POLN: variants seen among roughly 807,000 people sequenced by gnomAD.
The protein encoded by POLN is DNA polymerase N.
POLN carries 108 observed loss-of-function variants against 113.5 expected under a neutral mutation model. The ratio of observed to expected loss-of-function variants is 0.95; its 90% CI spans 0.81 to 1.12. The LOEUF (loss-of-function observed/expected upper bound fraction) is 1.12, where lower values mean the gene tolerates loss of function less well. Ranked by LOEUF, POLN falls within the 50% of genes most tolerant of loss-of-function variation. The pLI, the probability that POLN is intolerant of heterozygous loss-of-function variation, is 0.00. For synonymous variants in POLN, 386 were observed against 391.5 expected, an observed-to-expected ratio of 0.99 and a Z score of 0.17; for missense variants, 1,097 against 1,077.1, an observed-to-expected ratio of 1.02 and a Z score of -0.26.
intron 19 of POLN, among the ~76,000 whole-genome samples, chr4:2,100,936 G>A (rs943963947): frequency 6.6e-6 from 1 of 152,224 alleles, no homozygotes; most frequent in Non-Finnish European, 1.5e-5. Flanking sequence ...ATGAAAGGAT[G>A]ATGTTGAAAT....
At chr4:2,174,093 TC>T in intron 10 of POLN, 74 bp from the exon 11 acceptor site, 1 of 1,411,264 alleles carries the variant, frequency 7.1e-7, no homozygotes, top group Non-Finnish European at 1.0e-6. Flanking sequence ...AATGCTTCGC[TC>T]CCTGATGAGG....
chr4:2,169,887 C>T (rs897822655), intron 13 of POLN, among the ~76,000 whole-genome samples: 18 of 152,246 alleles, frequency 1.2e-4, no homozygotes, highest in African/African-American at 4.3e-4. Context: ...GTCCATTATT[C>T]ACCCAGTAAC....
intron 7 of POLN, among the ~76,000 whole-genome samples, chr4:2,189,179 T>C (rs1733370851): frequency 6.6e-6 from 1 of 151,964 alleles, no homozygotes; most frequent in African/African-American, 2.4e-5. Context: ...CACCTACCAA[T>C]AACATTGAAT....
rs1732930368 is a variant in POLN at position 2,173,937 on chromosome 4, T to C, written c.1374+18A>G. 4.3e-6 allele frequency: 7 copies of C among 1,611,646 alleles called. No individual in the cohort carries two copies. Among genetic ancestry groups the C allele is most frequent in the Non-Finnish European group, 5.9e-6 (7 of 1,177,928 alleles). ...GGAAAGAGATGGCCAGTACAAACCA[T>C]CTGGAATAATAACTTACCCCAAGAA... On this transcript the variant is annotated intron_variant, in intron 11 of 25. Coordinates refer to ENST00000511885, the MANE Select transcript of POLN (RefSeq NM_181808.4).
At chr4:2,085,766 G>A (rs377517799) in intron 20 of POLN, 22 bp from the exon 21 acceptor site, 36 of 1,612,106 alleles carry the variant, frequency 2.2e-5, no homozygotes, top group African/African-American at 2.0e-4. Flanking sequence ...AGAGACGCAT[G>A]TCAAAGCCTC....
chr4:2,138,960 T>C (rs1479558877), intron 16 of POLN, among the ~76,000 whole-genome samples: 1 of 151,544 alleles, frequency 6.6e-6, no homozygotes, highest in African/African-American at 2.4e-5. Context: ...TTTCCTGATA[T>C]TCCTGAAGGA....
At chr4:2,073,176 G>C in intron 24 of POLN, 147 bp from the exon 25 acceptor site, 1 of 714,968 alleles carries the variant, frequency 1.4e-6, no homozygotes, top group East Asian at 2.8e-5. Flanking sequence ...TGAACCAGCT[G>C]TGGGACCTTA....
intron 2 of POLN, among the ~76,000 whole-genome samples, chr4:2,235,406 G>A (rs1734725579): frequency 6.6e-6 from 1 of 152,310 alleles, no homozygotes; most frequent in Middle Eastern, 3.4e-3. Context: ...GGAGAAACTG[G>A]AATTGTGCAG....
rs1334287564 is a variant in POLN at position 2,126,922 on chromosome 4, G to A, written c.1982+1191C>T. On this transcript the variant is annotated intron_variant, in intron 19 of 25. Coordinates refer to ENST00000511885, the MANE Select transcript of POLN (RefSeq NM_181808.4). The surrounding 1 kb of genome is among the most constrained non-coding windows in gnomAD (Gnocchi z 4.6). ...TCCCCCGCCTTCAGCAAAGACAGAG[G>A]CGGAGACAGCGCATGGGGAGGGGAG... is the stretch of plus-strand genomic sequence containing the variant. 6.6e-6 allele frequency among the ~76,000 whole-genome samples: 1 copy of A among 152,162 alleles called. No homozygotes were observed. Among genetic ancestry groups the A allele is most frequent in the African/African-American group, 2.4e-5 (1 of 41,432 alleles).
chr4:2,232,083 A>G (rs758372334), intron 2 of POLN: 2 of 1,604,168 alleles, frequency 1.2e-6, no homozygotes, highest in Non-Finnish European at 8.5e-7. Context: ...TTGTCTTCAC[A>G]TCAGCAAGAA....
At chr4:2,240,752 C>G in intron 2 of POLN, 1 of 1,613,938 alleles carries the variant, frequency 6.2e-7, no homozygotes, top group Non-Finnish European at 8.5e-7. Flanking sequence ...TGCCTGATTT[C>G]TGAAGAATGC....
chr4:2,137,609 T>G (rs6838575), intron 16 of POLN, among the ~76,000 whole-genome samples: 23,360 of 152,044 alleles, frequency 0.15, 2,715 homozygotes, highest in African/African-American at 0.32. Flanking sequence ...TGCCTGCTCC[T>G]CCTGATACAC....
At chr4:2,151,021 A>G (rs572929230) in intron 16 of POLN, among the ~76,000 whole-genome samples, 1 of 152,368 alleles carries the variant, frequency 6.6e-6, no homozygotes, top group African/African-American at 2.4e-5. Flanking sequence ...GATGGTGTCA[A>G]AAGAAGACAA....
chr4:2,092,148 A>C (rs2108697386), intron 20 of POLN, among the ~76,000 whole-genome samples: 1 of 152,252 alleles, frequency 6.6e-6, no homozygotes, highest in Non-Finnish European at 1.5e-5. Flanking sequence ...CTGTGCGCCC[A>C]GGCCTCCTCC....
chr4:2,188,607 A>C (rs1156407104), intron 7 of POLN, among the ~76,000 whole-genome samples: 19 of 135,496 alleles, frequency 1.4e-4, no homozygotes, highest in Admixed American at 1.4e-3. Context: ...TCTCAAAAAA[A>C]ACAAAAAACA....
In POLN at chr4:2,161,308, T is replaced by A. The variant is rs780291963; in HGVS notation, c.1555-2097A>T. On this transcript the variant is annotated intron_variant, in intron 13 of 25. Transcript: ENST00000511885. ...CGGGAACCGGGGCTGCGCGGGGCGC[T>A]TGCAGGCCAGCTGGAGTTCAGGGTG... Among the ~76,000 whole-genome samples, 9 of 152,270 alleles carry A rather than the reference T, an allele frequency of 5.9e-5. No individual in the cohort carries two copies. The South Asian group carries it at 8.3e-4, about 14-fold the overall frequency.
rs531961149 is a variant in POLN at position 2,108,945 on chromosome 4, G to A, written c.1983-13012C>T. ...AGTTAACCACGCTTTTCCACCGAGAGTGGTGGTTCTGCTCATTCACAGGAG... is the reference window on the plus strand; with the variant it reads ...AGTTAACCACGCTTTTCCACCGAGAATGGTGGTTCTGCTCATTCACAGGAG... On this transcript the variant is annotated intron_variant, in intron 19 of 25. Coordinates refer to ENST00000511885, the MANE Select transcript of POLN (RefSeq NM_181808.4). Among the ~76,000 whole-genome samples the A allele has an allele frequency of 5.9e-5, 9 of 152,304 alleles. No individual in the cohort carries two copies. In the South Asian group the frequency reaches 1.9e-3, roughly 32 times the overall value.
intron 5 of POLN, among the ~76,000 whole-genome samples, chr4:2,201,865 A>C (rs372518576): frequency 6.6e-6 from 1 of 152,212 alleles, no homozygotes; most frequent in South Asian, 2.1e-4. Flanking sequence ...CCAAGCTAGA[A>C]GGGACTGGGG....
intron 20 of POLN, among the ~76,000 whole-genome samples, chr4:2,094,922 T>C (rs940291358): frequency 6.6e-6 from 1 of 152,168 alleles, no homozygotes; most frequent in African/African-American, 2.4e-5. Context: ...AGGGTTTCCA[T>C]GGCAGGATGG....
Sources: allele counts gnomAD v4.1 joint callset (sites outside exome capture counted in the v4.1 genomes callset), GRCh38; gene constraint gnomAD v4.1.1; non-coding constraint Gnocchi (gnomAD v3.1); transcripts MANE v1.5; gene names NCBI Gene and HGNC (gene_info 2026-07-23, HGNC 2026-07-21).